The following THAP9 variants were observed in gnomAD, a reference collection of about 807,000 sequenced individuals.
The protein encoded by THAP9 is THAP domain containing 9.
A neutral mutation model predicts 35.7 loss-of-function variants in THAP9; 20 were observed. The observed-to-expected ratio is 0.56, with a 90% CI of 0.39 to 0.81. The LOEUF (loss-of-function observed/expected upper bound fraction) is 0.81. Among genes scored for constraint, THAP9 ranks in the 40% least tolerant of loss-of-function variants. The probability of loss-of-function intolerance (pLI) is 0.00; values close to 1 mark genes in which losing one functional copy is unlikely to be tolerated. For synonymous variants in THAP9, 335 were observed against 373.7 expected (o/e 0.90, Z 1.19); for missense variants, 870 against 1,047.4 (o/e 0.83, Z 2.34).
intron 3 of THAP9, among the ~76,000 whole-genome samples, chr4:82,906,925 T>G (rs1293745251): frequency 6.6e-6 from 1 of 152,188 alleles, no homozygotes; most frequent in African/African-American, 2.4e-5. Flanking sequence ...TGTTCTGCAC[T>G]TATCACTTTT....
chr4:82,902,153 G>C (rs1720437295), intron 1 of THAP9, among the ~76,000 whole-genome samples: 1 of 114,094 alleles, frequency 8.8e-6, no homozygotes, highest in Non-Finnish European at 1.6e-5. Context: ...TTGTCGCCCA[G>C]GCTGGAGAGC....
In THAP9 at chr4:82,916,958, G is replaced by C. The variant is rs151087610; in HGVS notation, c.746G>C (p.Cys249Ser). The change falls in exon 5 of 5, where the codon TGC (cysteine) becomes TCC (serine). Residue 249 changes from cysteine to serine, a missense_variant. Physicochemically the swap from Cys to Ser is moderately radical, Grantham distance 112. This residue lies in a region of THAP9 where 440 missense variants were observed against 501.2 expected (regional missense o/e 0.88). Coordinates refer to ENST00000302236, the MANE Select transcript of THAP9 (RefSeq NM_024672.6). ...SSILRTWLSK[C>S]QPSPGFNSNI... ...ATGTATTCTAGGTGGTTATCCAAAT[G>C]CCAACCCAGTCCAGGTTTCAACAGC... The C allele has an allele frequency of 1.7e-5, 26 of 1,524,244 alleles. No homozygotes were observed. Among genetic ancestry groups the C allele is most frequent in the Admixed American group, 2.2e-5 (1 of 44,928 alleles). 94.4% of individuals were successfully genotyped at this position (1,524,244 alleles called of 1,614,324 possible).
intron 4 of THAP9, among the ~76,000 whole-genome samples, chr4:82,909,428 G>GTGTA (rs1456740237): frequency 6.6e-6 from 1 of 151,864 alleles, no homozygotes; most frequent in Non-Finnish European, 1.5e-5. Flanking sequence ...CTTCCTGTGT[G>GTGTA]TGTGTGTGTG....
intron 1 of THAP9, chr4:82,901,186 A>G (rs578238314): frequency 3.3e-6 from 2 of 607,364 alleles, no homozygotes; most frequent in Non-Finnish European, 3.1e-6. Flanking sequence ...GAGGAGGCCG[A>G]AAGGGAAGGC....
intron 4 of THAP9, among the ~76,000 whole-genome samples, chr4:82,908,223 A>T (rs1720732539): frequency 6.6e-6 from 1 of 152,222 alleles, no homozygotes; most frequent in African/African-American, 2.4e-5. Flanking sequence ...ACATAGTATG[A>T]CAAGTTTTTT....
At chr4:82,914,886 G>C (rs917206292) in intron 4 of THAP9, among the ~76,000 whole-genome samples, 1 of 152,050 alleles carries the variant, frequency 6.6e-6, no homozygotes, top group Non-Finnish European at 1.5e-5. Context: ...ATCTTTTACC[G>C]TTCCTATGTC....
At chr4:82,905,978 AC>A in intron 2 of THAP9, 1 of 457,486 alleles carries the variant, frequency 2.2e-6, no homozygotes, top group Non-Finnish European at 4.4e-6. Context: ...TCTTTTTTGC[AC>A]AAATAACTTC....
At chr4:82,902,105 CTTTTTTTT>C (rs768693634) in intron 1 of THAP9, among the ~76,000 whole-genome samples, 3 of 104,498 alleles carry the variant, frequency 2.9e-5, no homozygotes, top group African/African-American at 7.6e-5. Flanking sequence ...CATTTTCCTT[CTTTTTTTT>C]TTTTTTTTTT....
Position 82,907,910 on chromosome 4 carries a change from C to T in THAP9, c.706C>T (p.Leu236=). The change falls in exon 4 of 5, where the codon CTG becomes TTG. Residue 236 remains leucine (L), a synonymous_variant. Coordinates refer to ENST00000302236, the MANE Select transcript of THAP9 (RefSeq NM_024672.6). ...VYDYVRKILK[L]PHSSILRTWL... is the part of the protein sequence containing the mutation. ...TGATTATGTAAGAAAGATTCTTAAG[C>T]TGCCTCATTCTTCCATCCTCAGAAC... The T allele has an allele frequency of 6.2e-7, 1 of 1,609,138 alleles. No homozygotes were observed. Among genetic ancestry groups the T allele is most frequent in the Non-Finnish European group, 8.5e-7 (1 of 1,178,574 alleles).
At chr4:82,904,274 A>T (rs955464940) in intron 1 of THAP9, among the ~76,000 whole-genome samples, 1 of 152,000 alleles carries the variant, frequency 6.6e-6, no homozygotes, top group African/African-American at 2.4e-5. Context: ...CATGTTGTCC[A>T]GGCTGGTCTT....
At chr4:82,915,136 T>A (rs1720994961) in intron 4 of THAP9, among the ~76,000 whole-genome samples, 1 of 152,152 alleles carries the variant, frequency 6.6e-6, no homozygotes, top group South Asian at 2.1e-4. Flanking sequence ...TTATTTCCGG[T>A]TTGCCCTATT....
intron 4 of THAP9, among the ~76,000 whole-genome samples, 163 bp from the exon 5 acceptor site, chr4:82,916,781 G>GT (rs1347763279): frequency 1.3e-5 from 2 of 152,144 alleles, no homozygotes; most frequent in Admixed American, 6.5e-5. Context: ...CTATTTTATT[G>GT]TAACGATGAA....
At chr4:82,905,802 A>G in intron 2 of THAP9, 1 of 452,426 alleles carries the variant, frequency 2.2e-6, no homozygotes, top group South Asian at 1.6e-5. Flanking sequence ...TAGGAGATTT[A>G]CATAAATTCT....
At chr4:82,904,971 A>C (rs1221685419) in intron 2 of THAP9, 40 bp downstream of exon 2, 4 of 1,593,468 alleles carry the variant, frequency 2.5e-6, no homozygotes, top group Non-Finnish European at 2.6e-6. Flanking sequence ...ATGAAAATTT[A>C]CAGAGCCTTT....
Position 82,919,085 on chromosome 4 carries a change from T to C in THAP9, c.*161T>C, listed in dbSNP as rs1243162246. The C allele has an allele frequency of 6.7e-6, 4 of 600,326 alleles. No individual in the cohort carries two copies. In the African/African-American group the frequency reaches 7.4e-5, roughly 11 times the overall value. The allele number at this position is 600,326 out of a possible 1,614,324, so 37.2% of individuals were successfully genotyped here. On this transcript the variant is annotated 3_prime_UTR_variant, in exon 5 of 5. Transcript: ENST00000302236. ...TTCTGCATATCACAAAATCTCCTTATACTTTTGGTATGGCTTGCAGCATTT... is the reference window on the plus strand; with the variant it reads ...TTCTGCATATCACAAAATCTCCTTACACTTTTGGTATGGCTTGCAGCATTT...
At chr4:82,902,105 C>CTTTT (rs768693634) in intron 1 of THAP9, among the ~76,000 whole-genome samples, 1,642 of 104,266 alleles carry the variant, frequency 0.016, 46 homozygotes, top group East Asian at 0.029. Context: ...CATTTTCCTT[C>CTTTT]TTTTTTTTTT....
chr4:82,902,911 G>C (rs1318939202), intron 1 of THAP9, among the ~76,000 whole-genome samples: 1 of 152,220 alleles, frequency 6.6e-6, no homozygotes, highest in Non-Finnish European at 1.5e-5. Context: ...AAGATTGAGA[G>C]ATGTGTCTAA....
In THAP9 at chr4:82,900,839, C is replaced by T. The variant is rs1560689386; in HGVS notation, c.37C>T (p.Arg13Cys). ...TTGCTCCGCAGTGGGCTGCAGCACC[C>T]GTGACACCGTGCTCAGCCGGGAGCG... ...RSCSAVGCSTRDTVLSRERGL... is the reference protein window; with the variant it reads ...RSCSAVGCSTCDTVLSRERGL... Residue 13 changes from arginine (R) to cysteine (C), a missense_variant, in exon 1 of 5, where the codon CGT becomes TGT. Arg to Cys is a radical substitution (Grantham distance 180). This residue lies in a region of THAP9 where 440 missense variants were observed against 501.2 expected (regional missense o/e 0.88). Coordinates refer to ENST00000302236, the MANE Select transcript of THAP9 (RefSeq NM_024672.6). 1 of 1,613,596 alleles carries T rather than the reference C, an allele frequency of 6.2e-7. No homozygotes were observed. The highest frequency in any genetic ancestry group is 2.2e-5 in the East Asian group (1 of 44,884).
Position 82,917,119 on chromosome 4 carries a change from A to G in THAP9, c.907A>G (p.Met303Val), listed in dbSNP as rs750519999. 2.5e-6 allele frequency: 4 copies of G among 1,613,400 alleles called. No homozygotes were observed. The highest frequency in any genetic ancestry group is 1.7e-4 in the Middle Eastern group (1 of 6,060). Residue 303 changes from methionine to valine, a missense_variant, in exon 5 of 5, where the codon ATG (methionine) becomes GTG (valine). Transcript: ENST00000302236. ...DPSSHSLQGF[M>V]DFGLGKLDAD... is the part of the protein sequence containing the mutation. ...TAGCAGTCACAGTTTGCAGGGGTTT[A>G]TGGACTTTGGTCTTGGAAAACTTGA...
Sources: allele counts gnomAD v4.1 joint callset (sites outside exome capture counted in the v4.1 genomes callset), GRCh38; gene constraint gnomAD v4.1.1; regional missense constraint gnomAD v4.1.1; transcripts MANE v1.5; gene names NCBI Gene and HGNC (gene_info 2026-07-23, HGNC 2026-07-21).